DLG2: variants seen among roughly 807,000 people sequenced by gnomAD.
DLG2 encodes the protein discs large MAGUK scaffold protein 2, also known as disks large homolog 2.
A neutral mutation model predicts 132.5 loss-of-function variants in DLG2; 45 were observed. The ratio of observed to expected loss-of-function variants is 0.34; its 90% CI spans 0.27 to 0.44. The LOEUF is 0.44. Ranked by LOEUF, DLG2 falls within the 20% of genes least tolerant of loss-of-function variation. DLG2 has a pLI of 1.00. For missense variants in DLG2, 1,045 were observed against 1,196.9 expected (o/e 0.87, Z 1.87); for synonymous variants, 424 against 419.6 (o/e 1.01, Z -0.13).
At chr11:84,805,597 A>T (rs1476896972) in intron 6 of DLG2, among the ~76,000 whole-genome samples, 1 of 152,012 alleles carries the variant, frequency 6.6e-6, no homozygotes, top group African/African-American at 2.4e-5. Context: ...TGGTTGTTTT[A>T]AAGTGTGTAG....
chr11:85,014,275 A>T (rs1238741143), intron 6 of DLG2, among the ~76,000 whole-genome samples: 1 of 152,216 alleles, frequency 6.6e-6, no homozygotes, highest in Non-Finnish European at 1.5e-5. Flanking sequence ...GCTGTAAAGA[A>T]TAAGTGCAAC....
At chr11:85,147,767 C>G (rs547767404) in intron 5 of DLG2, among the ~76,000 whole-genome samples, 1 of 152,142 alleles carries the variant, frequency 6.6e-6, no homozygotes, top group African/African-American at 2.4e-5. Flanking sequence ...ACTTTATGTT[C>G]CAGGATACAG....
intron 7 of DLG2, among the ~76,000 whole-genome samples, chr11:84,365,410 T>A (rs2098676000): frequency 6.6e-6 from 1 of 151,820 alleles, no homozygotes; most frequent in African/African-American, 2.4e-5. Flanking sequence ...TCTTTTTTTT[T>A]AATTAGTCTT....
At chr11:83,658,480 A>C (rs1229265663) in intron 18 of DLG2, among the ~76,000 whole-genome samples, 1 of 152,248 alleles carries the variant, frequency 6.6e-6, no homozygotes, top group Non-Finnish European at 1.5e-5. Flanking sequence ...GATAATAAAC[A>C]GTTATTCTTA....
chr11:84,793,811 T>C (rs551417429), intron 6 of DLG2, among the ~76,000 whole-genome samples: 3 of 152,346 alleles, frequency 2.0e-5, no homozygotes, highest in Admixed American at 2.0e-4. Context: ...GTGTTTCTTA[T>C]AGGGAACAGA....
chr11:83,742,362 A>G (rs572677514), intron 18 of DLG2, among the ~76,000 whole-genome samples: 25 of 152,274 alleles, frequency 1.6e-4, no homozygotes, highest in African/African-American at 5.3e-4. Context: ...TAGTTTTTTT[A>G]AAACTTTAAA....
At chr11:84,918,761 C>T (rs2092617427) in intron 6 of DLG2, among the ~76,000 whole-genome samples, 1 of 152,130 alleles carries the variant, frequency 6.6e-6, no homozygotes, top group Non-Finnish European at 1.5e-5. Flanking sequence ...GCCTATATGA[C>T]TTCAAAGGCT....
intron 19 of DLG2, among the ~76,000 whole-genome samples, chr11:83,569,140 A>T (rs2096756899): frequency 6.6e-6 from 1 of 152,204 alleles, no homozygotes; most frequent in Admixed American, 6.5e-5. Context: ...TCATTAATAA[A>T]TTCATTTAAA....
chr11:84,086,195 T>A, intron 10 of DLG2, among the ~76,000 whole-genome samples: 1 of 152,144 alleles, frequency 6.6e-6, no homozygotes, highest in East Asian at 1.9e-4. Flanking sequence ...GGTGAATGAA[T>A]TCAAAAACTT....
chr11:85,606,031 G>A (rs984234446), intron 2 of DLG2, among the ~76,000 whole-genome samples: 1 of 151,980 alleles, frequency 6.6e-6, no homozygotes, highest in African/African-American at 2.4e-5. Flanking sequence ...TGGGAGTAGA[G>A]AATTAAGTTG....
chr11:83,554,468 A>T (rs1000202272), intron 19 of DLG2, among the ~76,000 whole-genome samples: 1 of 152,130 alleles, frequency 6.6e-6, no homozygotes, highest in Non-Finnish European at 1.5e-5. Flanking sequence ...CATATGTAAA[A>T]CTCCTATATC....
At chr11:83,790,758 A>G (rs538520885) in intron 17 of DLG2, 2 of 762,590 alleles carry the variant, frequency 2.6e-6, no homozygotes, top group Non-Finnish European at 2.4e-6. Flanking sequence ...TGGGGCAACA[A>G]CTAGGTTCTG....
intron 6 of DLG2, among the ~76,000 whole-genome samples, chr11:84,625,050 C>T (rs1352239177): frequency 6.7e-6 from 1 of 149,864 alleles, no homozygotes; most frequent in Non-Finnish European, 1.5e-5. Context: ...TTAGTAGAGA[C>T]GGGGTTTCAC....
chr11:85,300,073 A>C (rs2079492120), intron 3 of DLG2, among the ~76,000 whole-genome samples: 2 of 152,270 alleles, frequency 1.3e-5, no homozygotes, highest in African/African-American at 4.8e-5. Flanking sequence ...TTAAGTATTG[A>C]CTGTGTGCCT....
intron 6 of DLG2, among the ~76,000 whole-genome samples, chr11:84,647,658 T>G (rs1231556737): frequency 6.6e-6 from 1 of 152,236 alleles, no homozygotes; most frequent in Non-Finnish European, 1.5e-5. Flanking sequence ...GGATGCATTA[T>G]GTACTCATTA....
At chr11:84,979,522 C>A (rs1259078489) in intron 6 of DLG2, among the ~76,000 whole-genome samples, 1 of 152,088 alleles carries the variant, frequency 6.6e-6, no homozygotes, top group African/African-American at 2.4e-5. Flanking sequence ...ATGGATAAAG[C>A]TGGAAACCAT....
intron 6 of DLG2, among the ~76,000 whole-genome samples, chr11:84,963,972 G>A (rs1591921251): frequency 6.6e-6 from 1 of 152,024 alleles, no homozygotes; most frequent in Admixed American, 6.6e-5. Context: ...TACCTCTAAG[G>A]TGCATTAATT....
At chr11:83,977,738 A>C (rs928138233) in intron 12 of DLG2, among the ~76,000 whole-genome samples, 5 of 152,116 alleles carry the variant, frequency 3.3e-5, no homozygotes, top group African/African-American at 1.2e-4. Context: ...GTTCAGCTTA[A>C]GCAATGCTCC....
chr11:83,956,402 C>T (rs1306398565), intron 14 of DLG2, among the ~76,000 whole-genome samples: 1 of 152,234 alleles, frequency 6.6e-6, no homozygotes, highest in East Asian at 1.9e-4. Flanking sequence ...CTGTGACACC[C>T]TCTCTGGGGC....
Sources: allele counts gnomAD v4.1 joint callset (sites outside exome capture counted in the v4.1 genomes callset), GRCh38; gene constraint gnomAD v4.1.1; transcripts MANE v1.5; gene names NCBI Gene and HGNC (gene_info 2026-07-23, HGNC 2026-07-21).